The following ZNF91 variants were observed in gnomAD, a reference collection of about 807,000 sequenced individuals.
ZNF91 encodes the protein zinc finger protein 91 (HPF7, HTF10).
ZNF91 carries 7 observed loss-of-function variants against 12.6 expected under a neutral mutation model. The observed-to-expected ratio is 0.55, with a 90% CI of 0.31 to 1.04. The LOEUF (loss-of-function observed/expected upper bound fraction) is 1.04. Ranked by LOEUF, ZNF91 falls within the 50% of genes least tolerant of loss-of-function variation. The probability of loss-of-function intolerance (pLI) is 0.05; values close to 1 mark genes in which losing one functional copy is unlikely to be tolerated. For synonymous variants in ZNF91, 453 were observed against 462.6 expected (o/e 0.98, Z 0.27); for missense variants, 1,217 against 1,385.4 (o/e 0.88, Z 1.93).
At chr19:23,393,566 T>G (rs888243550) in intron 1 of ZNF91, among the ~76,000 whole-genome samples, 1 of 152,118 alleles carries the variant, frequency 6.6e-6, no homozygotes, top group Non-Finnish European at 1.5e-5. Flanking sequence ...TAGCTGCGTC[T>G]AGGGAAAATA....
chr19:23,306,076 CAATCTTTGTATATACATTCATACAGAACA>C (rs1327312579), intron 3 of ZNF91, among the ~76,000 whole-genome samples: 20 of 152,280 alleles, frequency 1.3e-4, no homozygotes, highest in African/African-American at 4.8e-4. Context: ...GTATATGTAT[CAATCTTTGTATATACATTCATACAGAACA>C]AAGATGTAGA....
chr19:23,394,928 T>C (rs1970182981), intron 1 of ZNF91, among the ~76,000 whole-genome samples: 1 of 152,130 alleles, frequency 6.6e-6, no homozygotes, highest in Non-Finnish European at 1.5e-5. Context: ...CGCCCATAAA[T>C]TTTTAATAGA....
intron 3 of ZNF91, among the ~76,000 whole-genome samples, chr19:23,373,359 TATATATATATATATATATATATATATAA>T (rs1352798167): frequency 3.6e-5 from 2 of 55,156 alleles, no homozygotes; most frequent in African/African-American, 7.3e-5. Context: ...TATATATATA[TATATATATATATATATATATATATATAA>T]ATAAACAGTA....
intron 1 of ZNF91, among the ~76,000 whole-genome samples, chr19:23,323,798 CCT>C (rs1408606050): frequency 5.1e-4 from 77 of 150,648 alleles, no homozygotes; most frequent in African/African-American, 1.2e-3. Flanking sequence ...TCCTCCTTCT[CCT>C]CTTTTTCTAC....
rs202202733 is a variant in ZNF91 at position 23,395,440 on chromosome 19, G to A, written c.-86C>T. The A allele has an allele frequency of 3.5e-5, 54 of 1,526,782 alleles. No individual in the cohort carries two copies. The East Asian group carries it at 6.9e-4, about 19-fold the overall frequency. 94.6% of individuals were successfully genotyped at this position (1,526,782 alleles called of 1,614,324 possible). A position where few individuals can be genotyped will look rare whatever the true frequency, so the allele number is the denominator to read the frequency against. On this transcript the variant is annotated 5_prime_UTR_variant, in exon 1 of 4. Coordinates refer to ENST00000300619, the MANE Select transcript of ZNF91 (RefSeq NM_003430.4). ...GCAGAGGACACAGAGCAGTGAAGTC[G>A]AGACCTGGAAACTCCGGCGGCAGCG...
In ZNF91 at chr19:23,362,876, T is replaced by A; in HGVS notation, c.254-151A>T. ...AGGCCCTAATTCTATTTTTGTTTTT[T>A]TGTTTGTTTGTTTTTGAGACGGAGT... On this transcript the variant is annotated intron_variant, in intron 3 of 3. Coordinates refer to ENST00000300619, the MANE Select transcript of ZNF91 (RefSeq NM_003430.4). The A allele has an allele frequency of 3.4e-6, 4 of 1,185,436 alleles. No homozygotes were observed. In the East Asian group the frequency reaches 1.2e-4, roughly 37 times the overall value. The allele number at this position is 1,185,436 out of a possible 1,614,324, so 73.4% of individuals were successfully genotyped here.
chr19:23,366,620 G>A (rs1349263601), intron 3 of ZNF91, among the ~76,000 whole-genome samples: 2 of 152,214 alleles, frequency 1.3e-5, no homozygotes, highest in Non-Finnish European at 2.9e-5. Context: ...TACAATCACG[G>A]TTGAAGGCGA....
chr19:23,359,074 G>A lies in ZNF91; in HGVS notation c.*329C>T. ...ATGAATTTTCTTATGTCTGGTTAGG[G>A]CTGAGGACCAGAAAAAGGATTTGCC... is the stretch of plus-strand genomic sequence containing the variant. On this transcript the variant is annotated 3_prime_UTR_variant, in exon 4 of 4. Coordinates refer to ENST00000300619, the MANE Select transcript of ZNF91 (RefSeq NM_003430.4). 1.8e-6 allele frequency: 1 copy of A among 556,930 alleles called. No homozygotes were observed. Among genetic ancestry groups the A allele is most frequent in the Non-Finnish European group, 3.4e-6 (1 of 290,070 alleles). 34.5% of individuals were successfully genotyped at this position (556,930 alleles called of 1,614,324 possible). A position where few individuals can be genotyped will look rare whatever the true frequency, so the allele number is the denominator to read the frequency against.
chr19:23,359,391 T>C lies in ZNF91; in HGVS notation c.*12A>G. ...GCGCCCGCCACCACGCCCGGCTAAT[T>C]TTTTGTATTTTTTAGTAGAGAAGGG... On this transcript the variant is annotated 3_prime_UTR_variant, in exon 4 of 4. Transcript: ENST00000300619. 1.1e-6 allele frequency: 1 copy of C among 944,482 alleles called. No homozygotes were observed. The highest frequency in any genetic ancestry group is 1.6e-6 in the Non-Finnish European group (1 of 627,210). The allele number at this position is 944,482 out of a possible 1,614,324, so 58.5% of individuals were successfully genotyped here.
intron 1 of ZNF91, chr19:23,323,855 C>CCTATT (rs1967778133): frequency 7.6e-6 from 1 of 132,282 alleles, no homozygotes; most frequent in Non-Finnish European, 1.6e-5. Flanking sequence ...TTTTCCTCCT[C>CCTATT]CTATTCTTCT....
intron 1 of ZNF91, among the ~76,000 whole-genome samples, chr19:23,386,703 C>T (rs1184426801): frequency 6.6e-6 from 1 of 151,958 alleles, no homozygotes; most frequent in Non-Finnish European, 1.5e-5. Flanking sequence ...GATAAAAAAC[C>T]CTGGAAGATA....
intron 3 of ZNF91, among the ~76,000 whole-genome samples, chr19:23,351,331 G>GAAA (rs200744779): frequency 1.1e-5 from 1 of 93,328 alleles, no homozygotes; most frequent in African/African-American, 3.7e-5. Context: ...CACAGAAAAA[G>GAAA]AAAAAAAAAA....
chr19:23,331,689 G>A (rs295406), intron 1 of ZNF91, among the ~76,000 whole-genome samples: 15,779 of 152,146 alleles, frequency 0.1, 1,261 homozygotes, highest in East Asian at 0.37. Context: ...AGCTTGCTGT[G>A]CGCCTTTGTT....
intron 1 of ZNF91, among the ~76,000 whole-genome samples, chr19:23,333,602 G>C (rs534483503): frequency 5.9e-4 from 90 of 152,308 alleles, no homozygotes; most frequent in African/African-American, 2.2e-3. Context: ...GCCTGAACAA[G>C]TTATGAAATT....
At chr19:23,315,388 C>T (rs554783780), upstream of ZNF91, among the ~76,000 whole-genome samples, 11 of 152,284 alleles carry the variant, frequency 7.2e-5, no homozygotes, top group African/African-American at 2.4e-4. Context: ...GAGATAGTGA[C>T]GTATCTCTGG....
At chr19:23,327,116 C>T (rs1234900086) in intron 1 of ZNF91, 1 of 152,112 alleles carries the variant, frequency 6.6e-6, no homozygotes, top group Admixed American at 6.5e-5. Context: ...CATAAATTCT[C>T]TTTATTCCAT....
chr19:23,359,964 T>C lies in ZNF91; in HGVS notation c.3015A>G (p.Gln1005=), dbSNP rs187078556. ...KCEECGKAFS[Q]SSTLTRHTRM... ...TCGTATGTCTAGTTAGGGTTGAGGA[T>C]TGGCTAAATGCTTTGCCACATTCTT... is the stretch of plus-strand genomic sequence containing the variant. Residue 1005 remains glutamine, a synonymous_variant, in exon 4 of 4, where the codon CAA becomes CAG. Coordinates refer to ENST00000300619, the MANE Select transcript of ZNF91 (RefSeq NM_003430.4). The C allele has an allele frequency of 2.1e-3, 3,444 of 1,611,078 alleles. 6 individuals are homozygous for C. The highest frequency in any genetic ancestry group is 2.7e-3 in the Non-Finnish European group (3,127 of 1,179,038).
At chr19:23,312,786 T>C (rs1306372498), upstream of ZNF91, among the ~76,000 whole-genome samples, 2 of 152,210 alleles carry the variant, frequency 1.3e-5, no homozygotes, top group African/African-American at 4.8e-5. Flanking sequence ...GAGAATCTCA[T>C]GCATCAGGTA....
At chr19:23,319,268 G>A (rs1967633972) in intron 1 of ZNF91, among the ~76,000 whole-genome samples, 1 of 152,200 alleles carries the variant, frequency 6.6e-6, no homozygotes, top group Non-Finnish European at 1.5e-5. Context: ...CATAAATTGT[G>A]TATTGTGACA....
Sources: allele counts gnomAD v4.1 joint callset (sites outside exome capture counted in the v4.1 genomes callset), GRCh38; gene constraint gnomAD v4.1.1; transcripts MANE v1.5; gene names NCBI Gene and HGNC (gene_info 2026-07-23, HGNC 2026-07-21).